The following CPEB4 variants were observed in gnomAD, a reference collection of about 807,000 sequenced individuals.
The protein encoded by CPEB4 is cytoplasmic polyadenylation element-binding protein 4.
A neutral mutation model predicts 72.5 loss-of-function variants in CPEB4; 12 were observed. The observed-to-expected ratio is 0.17, with a 90% CI of 0.11 to 0.27. CPEB4 has a LOEUF of 0.27. CPEB4 is among the 10% of genes least tolerant of loss of function. The probability of loss-of-function intolerance (pLI) is 1.00; values close to 1 mark genes in which losing one functional copy is unlikely to be tolerated. For synonymous variants in CPEB4, 302 were observed against 326.3 expected, an observed-to-expected ratio of 0.93 and a Z score of 0.80; for missense variants, 614 against 908.5, an observed-to-expected ratio of 0.68 and a Z score of 4.17.
chr5:173,912,157 G>C (rs1047378472), intron 2 of CPEB4, among the ~76,000 whole-genome samples: 1 of 151,708 alleles, frequency 6.6e-6, no homozygotes, highest in Non-Finnish European at 1.5e-5. Context: ...TATAGCTGTG[G>C]AAAGATGATC....
At position 173,957,159 on chromosome 5, in the gene CPEB4, C is replaced by A. The variant is rs900766290; in HGVS notation, c.*1022C>A. ...AAAAACAACAACAGATCTAGAGATA[C>A]CTCAAGGATATCATTTTTGATTTTG... is the stretch of plus-strand genomic sequence containing the variant. On this transcript the variant is annotated 3_prime_UTR_variant, in exon 10 of 10. Coordinates refer to ENST00000265085, the MANE Select transcript of CPEB4 (RefSeq NM_030627.4). 6.5e-6 allele frequency: 1 copy of A among 152,708 alleles called. No individual in the cohort carries two copies. The allele number at this position is 152,708 out of a possible 1,614,324, so 9.5% of individuals were successfully genotyped here.
In CPEB4 at chr5:173,949,656, C is replaced by A. The variant is rs1004761562; in HGVS notation, c.1546+59C>A. 5.9e-6 allele frequency: 7 copies of A among 1,194,200 alleles called. No homozygotes were observed. In the Admixed American group the frequency reaches 1.0e-4, roughly 18 times the overall value. 74.0% of individuals were successfully genotyped at this position (1,194,200 alleles called of 1,614,324 possible). ...TATTCTTACATTGTTTAATGTGTAG[C>A]CTTTTCATAAATGTTCACCTTCACT... is the stretch of plus-strand genomic sequence containing the variant. On this transcript the variant is annotated intron_variant, in intron 6 of 9. Coordinates refer to ENST00000265085, the MANE Select transcript of CPEB4 (RefSeq NM_030627.4).
At chr5:173,919,971 T>C (rs1235439807) in intron 2 of CPEB4, among the ~76,000 whole-genome samples, 1 of 152,226 alleles carries the variant, frequency 6.6e-6, no homozygotes, top group African/African-American at 2.4e-5. Context: ...TCTGAAATTG[T>C]TCTTGCTTAG....
rs144915983 is a variant in CPEB4 at position 173,949,084 on chromosome 5, A to G, written c.1457-424A>G. On this transcript the variant is annotated intron_variant, in intron 5 of 9. Coordinates refer to ENST00000265085, the MANE Select transcript of CPEB4 (RefSeq NM_030627.4). ...TCTGAGGATATGATAATTAAGTGCA[A>G]CCTATGTTCTGGATAGCACTGTGGA... Among the ~76,000 whole-genome samples, 5 of 152,248 alleles carry G rather than the reference A, an allele frequency of 3.3e-5. No individual in the cohort carries two copies. In the South Asian group the frequency reaches 8.3e-4, roughly 25 times the overall value.
chr5:173,907,477 G>A (rs1253530482), intron 1 of CPEB4, among the ~76,000 whole-genome samples: 1 of 152,158 alleles, frequency 6.6e-6, no homozygotes, highest in Admixed American at 6.5e-5. Flanking sequence ...AAATTCATAA[G>A]GTTGCTTACT....
At chr5:173,896,800 C>G (rs1485408335) in intron 1 of CPEB4, among the ~76,000 whole-genome samples, 1 of 152,210 alleles carries the variant, frequency 6.6e-6, no homozygotes, top group Non-Finnish European at 1.5e-5. Context: ...TGGGTCACAC[C>G]TGTGATCCTA....
At chr5:173,916,273 C>T (rs1756863936) in intron 2 of CPEB4, among the ~76,000 whole-genome samples, 1 of 152,140 alleles carries the variant, frequency 6.6e-6, no homozygotes, top group Admixed American at 6.5e-5. Context: ...ATGTTGCTTT[C>T]AGATTTTTGA....
intron 2 of CPEB4, among the ~76,000 whole-genome samples, chr5:173,927,132 C>T (rs1757270057): frequency 6.6e-6 from 1 of 152,240 alleles, no homozygotes; most frequent in Non-Finnish European, 1.5e-5. Flanking sequence ...GCCTGGGAGA[C>T]AGAGCGAGAC....
chr5:173,901,962 A>G (rs140625004), intron 1 of CPEB4, among the ~76,000 whole-genome samples: 172 of 152,334 alleles, frequency 1.1e-3, no homozygotes, highest in African/African-American at 4.0e-3. Flanking sequence ...CTAGGGAGAC[A>G]TAAGGGAAAA....
rs359422 is a variant in CPEB4, at chr5:173,900,790, T to C, written c.1126-9733T>C. Among the ~76,000 whole-genome samples the C allele has an allele frequency of 6.5e-3, 987 of 152,336 alleles. 8 individuals are homozygous for C. Among genetic ancestry groups the C allele is most frequent in the African/African-American group, 0.023 (955 of 41,570 alleles). On this transcript the variant is annotated intron_variant, in intron 1 of 9. Transcript: ENST00000265085. This position sits in a 1 kb window ranked among gnomAD's most constrained non-coding sequence, Gnocchi z 4.4. ...CATAGAAGGGGCAGAGAAATGTTTA[T>C]TGAATGAGTTCACTAACCGCCATGC...
Position 173,955,265 on chromosome 5 carries a change from T to C in CPEB4, c.1963-645T>C, listed in dbSNP as rs374225884. 5.1e-4 allele frequency among the ~76,000 whole-genome samples: 77 copies of C among 152,312 alleles called. 1 individual carries two copies. Among genetic ancestry groups the C allele is most frequent in the Middle Eastern group, 6.8e-3 (2 of 292 alleles). On this transcript the variant is annotated intron_variant, in intron 9 of 9. Coordinates refer to ENST00000265085, the MANE Select transcript of CPEB4 (RefSeq NM_030627.4). The surrounding 1 kb of genome is among the most constrained non-coding windows in gnomAD (Gnocchi z 4.7). Reference sequence around the variant, plus strand: ...AGTTTTAGAAATTCACCTCTGACTTTTAGACTCAGGTGAACCATTCTTACT... The same window carrying C: ...AGTTTTAGAAATTCACCTCTGACTTCTAGACTCAGGTGAACCATTCTTACT...
chr5:173,895,371 A>G (rs1388839541), intron 1 of CPEB4, among the ~76,000 whole-genome samples: 4 of 152,224 alleles, frequency 2.6e-5, no homozygotes, highest in Non-Finnish European at 4.4e-5. Flanking sequence ...CTACAGCTCA[A>G]TTATGTTGCC....
In CPEB4 at chr5:173,932,519, A is replaced by G. The variant is rs1293078671; in HGVS notation, c.1258+19A>G. 4 of 1,601,120 alleles carry G rather than the reference A, an allele frequency of 2.5e-6. No individual in the cohort carries two copies. In the Admixed American group the frequency reaches 6.7e-5, roughly 27 times the overall value. Reference sequence around the variant, plus strand: ...ATTAATGGTAAGTGATAATTGATTTACCCTAGTGAAGTGCACAAAACTGAT... The same window carrying G: ...ATTAATGGTAAGTGATAATTGATTTGCCCTAGTGAAGTGCACAAAACTGAT... On this transcript the variant is annotated intron_variant, in intron 3 of 9. Transcript: ENST00000265085.
chr5:173,941,426 G>A (rs1043067143), intron 3 of CPEB4, among the ~76,000 whole-genome samples: 4 of 152,192 alleles, frequency 2.6e-5, no homozygotes, highest in Non-Finnish European at 4.4e-5. Context: ...GGCTATCTAA[G>A]TGTGGCAGAA....
chr5:173,956,084 C>T lies in CPEB4; in HGVS notation c.2137C>T (p.Leu713=). ...TGCTGGCAGGGAATTCCACAAGCCCCTGGTGAAGGAAGGCGGTGACCGCCC... is the reference window on the plus strand; with the variant it reads ...TGCTGGCAGGGAATTCCACAAGCCCTTGGTGAAGGAAGGCGGTGACCGCCC... The part of the protein sequence containing the change: ...SRAGREFHKP[L]VKEGGDRPRH... The change falls in exon 10 of 10, where the codon CTG becomes TTG. Residue 713 remains leucine (L), a synonymous_variant. Transcript: ENST00000265085. 2 of 1,614,150 alleles carry T rather than the reference C, an allele frequency of 1.2e-6. No individual in the cohort carries two copies. The highest frequency in any genetic ancestry group is 1.7e-6 in the Non-Finnish European group (2 of 1,180,018).
At chr5:173,934,776 C>T (rs1757564021) in intron 3 of CPEB4, among the ~76,000 whole-genome samples, 1 of 152,118 alleles carries the variant, frequency 6.6e-6, no homozygotes, top group Non-Finnish European at 1.5e-5. Flanking sequence ...GCTTGAAAGT[C>T]GTGAAATTAA....
Position 173,908,654 on chromosome 5 carries a change from A to G in CPEB4, c.1126-1869A>G, listed in dbSNP as rs184449026. Among the ~76,000 whole-genome samples the G allele has an allele frequency of 4.2e-4, 64 of 152,314 alleles. No homozygotes were observed. In the East Asian group the frequency reaches 0.012, roughly 29 times the overall value. On this transcript the variant is annotated intron_variant, in intron 1 of 9. Coordinates refer to ENST00000265085, the MANE Select transcript of CPEB4 (RefSeq NM_030627.4). Reference sequence around the variant, plus strand: ...AAGATGTGTTACAAAAGCACAGAAGAGAAATGTTAGGTCCATCCAAAAAAA... The same window carrying G: ...AAGATGTGTTACAAAAGCACAGAAGGGAAATGTTAGGTCCATCCAAAAAAA...
intron 2 of CPEB4, among the ~76,000 whole-genome samples, chr5:173,913,198 C>CTT (rs201042615): frequency 2.2e-5 from 3 of 139,108 alleles, no homozygotes; most frequent in East Asian, 2.1e-4. Context: ...ACACATTATT[C>CTT]TTTTTTTTTT....
chr5:173,902,757 A>G (rs1756283642), intron 1 of CPEB4, among the ~76,000 whole-genome samples: 1 of 152,210 alleles, frequency 6.6e-6, no homozygotes, highest in Non-Finnish European at 1.5e-5. Flanking sequence ...TTGCTGACAA[A>G]TTTTACAAGA....
Sources: allele counts gnomAD v4.1 joint callset (sites outside exome capture counted in the v4.1 genomes callset), GRCh38; gene constraint gnomAD v4.1.1; non-coding constraint Gnocchi (gnomAD v3.1); transcripts MANE v1.5; gene names NCBI Gene and HGNC (gene_info 2026-07-23, HGNC 2026-07-21).